LIMCH1: variants seen among roughly 807,000 people sequenced by gnomAD.
The protein encoded by LIMCH1 is LIM and calponin homology domains 1, also known as LIM and calponin homology domains-containing protein 1.
In LIMCH1, 113 loss-of-function variants were observed where a neutral mutation model predicts 176.5. That is an observed-to-expected ratio of 0.64 (90% CI 0.55 to 0.75). The LOEUF (loss-of-function observed/expected upper bound fraction) is 0.75, where lower values mean the gene tolerates loss of function less well. Ranked by LOEUF, LIMCH1 falls within the 30% of genes least tolerant of loss-of-function variation. The probability of loss-of-function intolerance (pLI) is 0.00; values close to 1 mark genes in which losing one functional copy is unlikely to be tolerated. For synonymous variants in LIMCH1, 619 were observed against 645.9 expected, an observed-to-expected ratio of 0.96 and a Z score of 0.63; for missense variants, 1,674 against 1,814.9, an observed-to-expected ratio of 0.92 and a Z score of 1.41.
intron 1 of LIMCH1, among the ~76,000 whole-genome samples, chr4:41,566,844 G>A (rs772723721): frequency 4.6e-5 from 7 of 152,126 alleles, no homozygotes; most frequent in Non-Finnish European, 8.8e-5. Flanking sequence ...AGAGTTATCC[G>A]AAGATGGGCT....
At chr4:41,534,039 G>C (rs534012171), upstream of LIMCH1, among the ~76,000 whole-genome samples, 34 of 152,166 alleles carry the variant, frequency 2.2e-4, no homozygotes, top group Non-Finnish European at 4.3e-4. Flanking sequence ...TTTGTGTGCA[G>C]TAAAAGCCAC....
chr4:41,535,725 T>C (rs1335895010), upstream of LIMCH1, among the ~76,000 whole-genome samples: 1 of 152,178 alleles, frequency 6.6e-6, no homozygotes, highest in Non-Finnish European at 1.5e-5. Flanking sequence ...TATTCACGTG[T>C]GTTTTGAATG....
Position 41,613,666 on chromosome 4 carries a change from G to A in LIMCH1, c.205+5G>A. On this transcript the variant is annotated splice_donor_5th_base_variant and intron_variant, in intron 5 of 31. Coordinates refer to ENST00000503057, the MANE Select transcript of LIMCH1 (RefSeq NM_001330672.2). Reference sequence around the variant, plus strand: ...TCCTCAGGGGAAGCAGCGATGGTAGGTTGGAGTCTTAATAAACTATCCATC... The same window carrying A: ...TCCTCAGGGGAAGCAGCGATGGTAGATTGGAGTCTTAATAAACTATCCATC... 1 of 1,612,860 alleles carries A rather than the reference G, an allele frequency of 6.2e-7. No homozygotes were observed.
At chr4:41,641,645 T>C (rs1190258876) in intron 14 of LIMCH1, among the ~76,000 whole-genome samples, 1 of 152,238 alleles carries the variant, frequency 6.6e-6, no homozygotes. Context: ...GTTCCATATA[T>C]ACCTTATACA....
intron 2 of LIMCH1, among the ~76,000 whole-genome samples, chr4:41,498,903 C>G (rs748453933): frequency 4.7e-5 from 7 of 149,858 alleles, no homozygotes; most frequent in Non-Finnish European, 8.9e-5. Context: ...GGCCTTCTTG[C>G]TAAGAATGTG....
intron 3 of LIMCH1, among the ~76,000 whole-genome samples, chr4:41,527,475 T>TTGC (rs760718616): frequency 3.9e-5 from 6 of 152,152 alleles, no homozygotes; most frequent in Non-Finnish European, 5.9e-5. Context: ...AAATCCACAT[T>TTGC]AAGGGACATA....
At chr4:41,661,911 A>G (rs1452572616) in intron 19 of LIMCH1, 1 of 402,020 alleles carries the variant, frequency 2.5e-6, no homozygotes, top group African/African-American at 2.3e-5. Flanking sequence ...ATATAGTTAA[A>G]AATGAATAAA....
chr4:41,617,061 T>C (rs2092161600), intron 5 of LIMCH1, among the ~76,000 whole-genome samples: 1 of 151,864 alleles, frequency 6.6e-6, no homozygotes, highest in Non-Finnish European at 1.5e-5. Flanking sequence ...CAGTATATTA[T>C]AGATAATATA....
At chr4:41,513,392 C>T (rs907888846) in intron 2 of LIMCH1, among the ~76,000 whole-genome samples, 3 of 152,142 alleles carry the variant, frequency 2.0e-5, no homozygotes, top group Non-Finnish European at 4.4e-5. Context: ...TTCTGCTGCA[C>T]GCCCAGTAAA....
chr4:41,450,539 C>T (rs1408850851), intron 1 of LIMCH1, among the ~76,000 whole-genome samples: 5 of 151,714 alleles, frequency 3.3e-5, no homozygotes, highest in Admixed American at 6.6e-5. Flanking sequence ...TGGTGGCTCA[C>T]ACCTGTAATC....
At chr4:41,496,951 C>CT (rs2072259044) in intron 2 of LIMCH1, among the ~76,000 whole-genome samples, 1 of 152,154 alleles carries the variant, frequency 6.6e-6, no homozygotes, top group Non-Finnish European at 1.5e-5. Context: ...GATTAGGAGT[C>CT]TAATTCATAG....
intron 17 of LIMCH1, among the ~76,000 whole-genome samples, chr4:41,648,251 T>C (rs972465430): frequency 6.6e-6 from 1 of 152,224 alleles, no homozygotes; most frequent in Non-Finnish European, 1.5e-5. Flanking sequence ...CCAAACATTC[T>C]AGATGTCCAC....
At chr4:41,660,395 G>A (rs2094579984) in intron 18 of LIMCH1, among the ~76,000 whole-genome samples, 1 of 152,166 alleles carries the variant, frequency 6.6e-6, no homozygotes, top group Non-Finnish European at 1.5e-5. Context: ...AGGTGCCATG[G>A]AGATGAACAT....
intron 3 of LIMCH1, 114 bp from the exon 4 acceptor site, chr4:41,605,780 C>A: frequency 4.6e-5 from 23 of 503,182 alleles, no homozygotes; most frequent in African/African-American, 6.0e-5. Flanking sequence ...TTTTTAAAAT[C>A]GATGTAAATC....
chr4:41,457,451 G>T (rs1385039378), intron 1 of LIMCH1, among the ~76,000 whole-genome samples: 3 of 152,102 alleles, frequency 2.0e-5, no homozygotes, highest in Non-Finnish European at 2.9e-5. Flanking sequence ...AACATTTTTT[G>T]AGCATTTTTT....
At chr4:41,531,450 T>C (rs2077274701) in intron 3 of LIMCH1, among the ~76,000 whole-genome samples, 1 of 148,916 alleles carries the variant, frequency 6.7e-6, no homozygotes, top group African/African-American at 2.5e-5. Context: ...CCCTCCTCTC[T>C]TTCTCTTCTA....
At position 41,662,989 on chromosome 4, in the gene LIMCH1, A is replaced by G; in HGVS notation, c.3291+5A>G. ...GAGTTGGTGCTGTCACAAAAGGTGA[A>G]GTGCAGAGTGGAGGAAAGCGGTTAA... On this transcript the variant is annotated splice_donor_5th_base_variant and intron_variant, in intron 20 of 31. Coordinates refer to ENST00000503057, the MANE Select transcript of LIMCH1 (RefSeq NM_001330672.2). 6.2e-7 allele frequency: 1 copy of G among 1,612,920 alleles called. No individual in the cohort carries two copies.
chr4:41,587,967 G>T (rs545958890), intron 1 of LIMCH1, among the ~76,000 whole-genome samples: 1 of 151,402 alleles, frequency 6.6e-6, no homozygotes, highest in Non-Finnish European at 1.5e-5. Flanking sequence ...TAAGTTTTAG[G>T]GTACATGTGC....
In LIMCH1 at chr4:41,619,443, A is replaced by G. The variant is rs982882642; in HGVS notation, c.458+3A>G. On this transcript the variant is annotated splice_donor_region_variant and intron_variant, in intron 6 of 31. Transcript: ENST00000503057. ...CTGGGTGGGGAGAGGCCCTTCAGGT[A>G]AGGCCTGAGCACCGCTGCCCTCTTC... The G allele has an allele frequency of 2.5e-6, 4 of 1,606,800 alleles. No individual in the cohort carries two copies. The highest frequency in any genetic ancestry group is 3.4e-6 in the Non-Finnish European group (4 of 1,179,948).
Sources: allele counts gnomAD v4.1 joint callset (sites outside exome capture counted in the v4.1 genomes callset), GRCh38; gene constraint gnomAD v4.1.1; transcripts MANE v1.5; gene names NCBI Gene and HGNC (gene_info 2026-07-23, HGNC 2026-07-21).